GRM7: variants seen among roughly 807,000 people sequenced by gnomAD.
The protein encoded by GRM7 is metabotropic glutamate receptor 7.
In GRM7, 35 loss-of-function variants were observed where a neutral mutation model predicts 84.5. The ratio of observed to expected loss-of-function variants is 0.41; its 90% CI spans 0.32 to 0.55. The LOEUF (loss-of-function observed/expected upper bound fraction) is 0.55. Ranked by LOEUF, GRM7 falls within the 20% of genes least tolerant of loss-of-function variation. GRM7 has a pLI of 0.19. For synonymous variants in GRM7, 487 were observed against 455.1 expected, an observed-to-expected ratio of 1.07 and a Z score of -0.89; for missense variants, 1,003 against 1,194.6, an observed-to-expected ratio of 0.84 and a Z score of 2.36.
In GRM7 at chr3:7,373,113, G is replaced by T. The variant is rs145170880; in HGVS notation, c.1034-41910G>T. On this transcript the variant is annotated intron_variant, in intron 4 of 9. Transcript: ENST00000357716. The stretch of plus-strand genomic sequence containing the variant: ...ATTCTCTTTCAAGGACACTCAGTAT[G>T]AAGTTACACAGTTCAAAGGAAAGCT... Among the ~76,000 whole-genome samples, 291 of 152,210 alleles carry T rather than the reference G, an allele frequency of 1.9e-3. 1 individual carries two copies. Among genetic ancestry groups the T allele is most frequent in the Non-Finnish European group, 3.5e-3 (235 of 68,006 alleles).
chr3:6,948,710 A>G (rs1018783960), intron 1 of GRM7, among the ~76,000 whole-genome samples: 18 of 152,266 alleles, frequency 1.2e-4, no homozygotes, highest in African/African-American at 4.1e-4. Flanking sequence ...GTAGGTCACT[A>G]AGGACTTGCT....
chr3:7,128,255 T>A (rs1177948021), intron 1 of GRM7, among the ~76,000 whole-genome samples: 1 of 151,928 alleles, frequency 6.6e-6, no homozygotes, highest in Non-Finnish European at 1.5e-5. Context: ...ATCTCATCAT[T>A]TTGCTTGATA....
At chr3:6,912,889 A>G (rs1696819892) in intron 1 of GRM7, among the ~76,000 whole-genome samples, 1 of 152,228 alleles carries the variant, frequency 6.6e-6, no homozygotes, top group South Asian at 2.1e-4. Flanking sequence ...GTTGTGTTTC[A>G]TAAATTCAAG....
intron 7 of GRM7, among the ~76,000 whole-genome samples, chr3:7,563,781 GT>G (rs566803668): frequency 6.6e-6 from 1 of 152,228 alleles, no homozygotes; most frequent in South Asian, 2.1e-4. Flanking sequence ...AGACATTTCA[GT>G]TTTTAATCCA....
chr3:7,427,735 T>C (rs1696669489), intron 5 of GRM7, among the ~76,000 whole-genome samples: 1 of 152,146 alleles, frequency 6.6e-6, no homozygotes, highest in African/African-American at 2.4e-5. Context: ...CAATTGATCT[T>C]TTTTACTCCC....
chr3:7,610,883 C>A (rs1427173765), intron 8 of GRM7, among the ~76,000 whole-genome samples: 1 of 152,134 alleles, frequency 6.6e-6, no homozygotes, highest in Non-Finnish European at 1.5e-5. Context: ...ATTACTTTGG[C>A]CATCCTGGGC....
chr3:7,709,648 A>G (rs1278653994), intron 9 of GRM7, among the ~76,000 whole-genome samples: 4 of 152,162 alleles, frequency 2.6e-5, no homozygotes, highest in Non-Finnish European at 4.4e-5. Context: ...TCATTTGAGT[A>G]AGATTTCCAA....
intron 7 of GRM7, among the ~76,000 whole-genome samples, chr3:7,560,019 T>C (rs1338584230): frequency 2.0e-5 from 3 of 152,022 alleles, no homozygotes; most frequent in African/African-American, 7.2e-5. Context: ...CATTTCCAAA[T>C]ACAGTCATAT....
At chr3:7,520,151 A>G (rs1700540768) in intron 7 of GRM7, 1 of 152,218 alleles carries the variant, frequency 6.6e-6, no homozygotes. Context: ...AAGGAGAGGT[A>G]CATAGATCTC....
chr3:7,023,915 C>G (rs886185081), intron 1 of GRM7, among the ~76,000 whole-genome samples: 2 of 152,316 alleles, frequency 1.3e-5, no homozygotes, highest in Middle Eastern at 6.8e-3. Context: ...TTCTATCGCT[C>G]TTCAGGGCAG....
intron 8 of GRM7, among the ~76,000 whole-genome samples, chr3:7,625,929 T>C (rs1271679438): frequency 1.3e-5 from 2 of 151,846 alleles, no homozygotes; most frequent in Non-Finnish European, 2.9e-5. Flanking sequence ...GGACTCAGAG[T>C]TAAAAGAGAA....
chr3:6,943,464 G>T (rs956354287), intron 1 of GRM7, among the ~76,000 whole-genome samples: 36 of 152,030 alleles, frequency 2.4e-4, no homozygotes, highest in African/African-American at 8.2e-4. Context: ...AATTGCCTTT[G>T]TTACAAATCT....
chr3:7,578,890 T>C lies in GRM7; in HGVS notation c.1984T>C (p.Leu662=). The C allele has an allele frequency of 2.5e-6, 4 of 1,614,202 alleles. No individual in the cohort carries two copies. The highest frequency in any genetic ancestry group is 4.5e-5 in the East Asian group (2 of 44,878). The change falls in exon 8 of 10, where the codon TTG becomes CTG. Residue 662 remains leucine, a synonymous_variant. Coordinates refer to ENST00000357716, the MANE Select transcript of GRM7 (RefSeq NM_000844.4). ...VAVCSFRRVF[L]GLGMCISYAA... Reference sequence around the variant, plus strand: ...AGTGTGTTCTTTCCGGCGAGTTTTCTTGGGCTTGGGTATGTGCATCAGTTA... The same window carrying C: ...AGTGTGTTCTTTCCGGCGAGTTTTCCTGGGCTTGGGTATGTGCATCAGTTA...
intron 4 of GRM7, among the ~76,000 whole-genome samples, chr3:7,334,585 G>T (rs527478783): frequency 6.6e-6 from 1 of 152,254 alleles, no homozygotes; most frequent in East Asian, 1.9e-4. Flanking sequence ...AACATTGAAT[G>T]TAAATGGCCT....
chr3:7,589,485 G>T (rs1369120144), intron 8 of GRM7, among the ~76,000 whole-genome samples: 2 of 152,162 alleles, frequency 1.3e-5, no homozygotes, highest in Non-Finnish European at 2.9e-5. Context: ...AGAATCTTAA[G>T]ATGCTTCATT....
intron 1 of GRM7, among the ~76,000 whole-genome samples, chr3:6,999,661 T>C (rs1199655091): frequency 1.3e-5 from 2 of 152,156 alleles, no homozygotes; most frequent in East Asian, 3.9e-4. Flanking sequence ...CTTACAATCA[T>C]GGTGGAAGAG....
chr3:7,580,231 G>A (rs952755415), intron 8 of GRM7, among the ~76,000 whole-genome samples: 8 of 152,182 alleles, frequency 5.3e-5, no homozygotes, highest in African/African-American at 1.7e-4. Context: ...TATATTGATA[G>A]TGATAAGATA....
chr3:7,275,670 T>A (rs1699025374), intron 2 of GRM7, among the ~76,000 whole-genome samples: 1 of 152,168 alleles, frequency 6.6e-6, no homozygotes, highest in Admixed American at 6.5e-5. Context: ...AGTTAGGTTC[T>A]GTTTAGCTAG....
intron 1 of GRM7, among the ~76,000 whole-genome samples, chr3:7,116,227 C>G (rs1485287742): frequency 6.6e-6 from 1 of 152,120 alleles, no homozygotes. Context: ...ACCACAGAAA[C>G]AATTGTCTAA....
Sources: gnomAD v4.1 joint callset for allele counts (sites outside exome capture counted in the v4.1 genomes callset) on GRCh38, gnomAD v4.1.1 for gene constraint, MANE v1.5 for transcripts, NCBI Gene and HGNC (gene_info 2026-07-23, HGNC 2026-07-21) for gene names.